The following MPDZ variants were observed in gnomAD, a reference collection of about 807,000 sequenced individuals.
MPDZ encodes the protein multiple PDZ domain crumbs cell polarity complex component.
Under a neutral mutation model 239.1 loss-of-function variants are expected in MPDZ, and 234 were observed. The ratio of observed to expected loss-of-function variants is 0.98; its 90% confidence interval spans 0.88 to 1.09. MPDZ has a LOEUF of 1.09. MPDZ is among the 50% of genes least tolerant of loss of function. The probability of loss-of-function intolerance (pLI) is 0.00; values close to 1 mark genes in which losing one functional copy is unlikely to be tolerated. For synonymous variants in MPDZ, 1,048 were observed against 881.3 expected, an observed-to-expected ratio of 1.19 and a Z score of -3.35; for missense variants, 3,175 against 2,510.0, an observed-to-expected ratio of 1.26 and a Z score of -5.66.
chr9:13,165,521 G>T, intron 22 of MPDZ: 1 of 1,353,500 alleles, frequency 7.4e-7, no homozygotes, highest in Non-Finnish European at 1.0e-6. Context: ...GGTGCTCCTG[G>T]TTGTTTTTTT....
At chr9:13,275,601 G>T (rs1973989000) in intron 1 of MPDZ, among the ~76,000 whole-genome samples, 1 of 152,322 alleles carries the variant, frequency 6.6e-6, no homozygotes, top group South Asian at 2.1e-4. Context: ...CTTTGGAACT[G>T]GGTAATAGGT....
chr9:13,247,603 G>C lies in MPDZ; in HGVS notation c.183+32C>G, dbSNP rs374590735. The C allele has an allele frequency of 1.6e-4, 255 of 1,585,810 alleles. 3 individuals are homozygous for C. In the South Asian group the frequency reaches 2.8e-3, roughly 17 times the overall value. On this transcript the variant is annotated intron_variant, in intron 3 of 46. Transcript: ENST00000319217. ...CCTTTCACAAGATCTATGCCATGTC[G>C]TGAATGCCTGCTTGGGTGAATGATG...
chr9:13,276,219 G>C (rs758006516), intron 1 of MPDZ, among the ~76,000 whole-genome samples: 2 of 151,960 alleles, frequency 1.3e-5, no homozygotes, highest in Non-Finnish European at 2.9e-5. Flanking sequence ...TGAATACCTC[G>C]GATCTTCTCT....
chr9:13,177,996 G>C (rs1410786906), intron 19 of MPDZ, among the ~76,000 whole-genome samples: 2 of 152,220 alleles, frequency 1.3e-5, no homozygotes, highest in African/African-American at 4.8e-5. Context: ...CATATTTTTA[G>C]TAGAGACGGG....
chr9:13,214,801 T>G (rs1354909600), intron 10 of MPDZ, among the ~76,000 whole-genome samples: 1 of 151,920 alleles, frequency 6.6e-6, no homozygotes, highest in Non-Finnish European at 1.5e-5. Context: ...CAGAGAAAGC[T>G]CACTTCGGGC....
intron 3 of MPDZ, among the ~76,000 whole-genome samples, chr9:13,227,282 C>G (rs981698893): frequency 2.0e-5 from 3 of 152,040 alleles, no homozygotes; most frequent in Non-Finnish European, 4.4e-5. Flanking sequence ...TGAGAAGAGA[C>G]TTTTGGGAAT....
chr9:13,192,535 C>T (rs1955080454), intron 14 of MPDZ, among the ~76,000 whole-genome samples: 1 of 152,034 alleles, frequency 6.6e-6, no homozygotes, highest in Non-Finnish European at 1.5e-5. Context: ...TATGTTTGAT[C>T]TGCCAGTGTA....
chr9:13,234,067 T>C (rs1264038495), intron 3 of MPDZ, among the ~76,000 whole-genome samples: 1 of 152,164 alleles, frequency 6.6e-6, no homozygotes, highest in Admixed American at 6.5e-5. Flanking sequence ...AATCATTTTA[T>C]TGCATACCAA....
chr9:13,188,610 T>C (rs1256168230), intron 17 of MPDZ, among the ~76,000 whole-genome samples, 174 bp downstream of exon 17: 1 of 151,968 alleles, frequency 6.6e-6, no homozygotes, highest in African/African-American at 2.4e-5. Context: ...CTTTCCTTTA[T>C]TTTTTTTGAA....
At chr9:13,224,939 C>T (rs1209554331) in intron 3 of MPDZ, among the ~76,000 whole-genome samples, 2 of 152,090 alleles carry the variant, frequency 1.3e-5, no homozygotes, top group African/African-American at 4.8e-5. Flanking sequence ...CTCAGAATTT[C>T]CCCTCTCAGA....
chr9:13,253,188 G>T (rs1384694869), intron 1 of MPDZ, among the ~76,000 whole-genome samples: 2 of 140,348 alleles, frequency 1.4e-5, no homozygotes, highest in South Asian at 2.4e-4. Flanking sequence ...TGTTAAAACA[G>T]AATTACTTTT....
intron 12 of MPDZ, among the ~76,000 whole-genome samples, chr9:13,202,220 T>G (rs1956467162): frequency 1.3e-5 from 2 of 152,278 alleles, no homozygotes; most frequent in East Asian, 3.9e-4. Context: ...TGGAACTAAC[T>G]CCTTGACTTG....
chr9:13,110,496 T>C, intron 44 of MPDZ, 140 bp downstream of exon 44: 2 of 680,344 alleles, frequency 2.9e-6, no homozygotes, highest in Non-Finnish European at 5.0e-6. Flanking sequence ...TTGGAACTCT[T>C]AATTTAATCA....
intron 1 of MPDZ, among the ~76,000 whole-genome samples, chr9:13,262,182 G>A (rs1247365990): frequency 6.6e-6 from 1 of 151,976 alleles, no homozygotes; most frequent in Non-Finnish European, 1.5e-5. Context: ...CTGCATTCAG[G>A]CCAGCCACAG....
intron 7 of MPDZ, 68 bp from the exon 8 acceptor site, chr9:13,219,836 G>T: frequency 1.4e-6 from 2 of 1,463,732 alleles, no homozygotes; most frequent in Non-Finnish European, 1.9e-6. Context: ...TCCTAAATGA[G>T]AAGGGATTAA....
rs1382068049 is a variant in MPDZ, at chr9:13,162,797, T to A, written c.3255-2A>T. The A allele has an allele frequency of 1.1e-5, 18 of 1,599,198 alleles. No individual in the cohort carries two copies. Among genetic ancestry groups the A allele is most frequent in the Non-Finnish European group, 1.5e-5 (18 of 1,168,470 alleles). Reference sequence around the variant, plus strand: ...TGTTCTGCAGGCACATAAGTAATTCTGGAACAAACCAGAATCCATGGAAGT... The same window carrying A: ...TGTTCTGCAGGCACATAAGTAATTCAGGAACAAACCAGAATCCATGGAAGT... On this transcript the variant is annotated splice_acceptor_variant, in intron 22 of 46. Coordinates refer to ENST00000319217, the MANE Select transcript of MPDZ (RefSeq NM_001378778.1). LOFTEE classifies it high-confidence loss of function.
intron 41 of MPDZ, 138 bp downstream of exon 41, chr9:13,113,793 T>C: frequency 1.5e-6 from 1 of 668,880 alleles, no homozygotes; most frequent in Non-Finnish European, 2.5e-6. Context: ...TTCAGACTTT[T>C]TGCTAACACG....
chr9:13,196,156 A>T lies in MPDZ; in HGVS notation c.1621T>A (p.Trp541Arg). Reference protein sequence around the residue: ...QKQEAALLTKWQRIMGINYEI... With the variant: ...QKQEAALLTKRQRIMGINYEI... Reference sequence around the variant, plus strand: ...TAGTTAATTCCCATAATCCTTTGCCATTTTGTCAGCAGAGCAGCTTCTTGT... The same window carrying T: ...TAGTTAATTCCCATAATCCTTTGCCTTTTTGTCAGCAGAGCAGCTTCTTGT... The change falls in exon 13 of 47, where the codon TGG becomes AGG. Residue 541 changes from tryptophan to arginine, a missense_variant. Trp to Arg is a moderately radical substitution (Grantham distance 101). Coordinates refer to ENST00000319217, the MANE Select transcript of MPDZ (RefSeq NM_001378778.1). 1 of 1,602,960 alleles carries T rather than the reference A, an allele frequency of 6.2e-7. No individual in the cohort carries two copies. Among genetic ancestry groups the T allele is most frequent in the Non-Finnish European group, 8.5e-7 (1 of 1,173,784 alleles).
intron 5 of MPDZ, 24 bp from the exon 6 acceptor site, chr9:13,222,470 A>T: frequency 6.4e-7 from 1 of 1,572,224 alleles, no homozygotes. Flanking sequence ...AAAAGGGGAT[A>T]AAAGACAATC....
Sources: allele counts gnomAD v4.1 joint callset (sites outside exome capture counted in the v4.1 genomes callset), GRCh38; gene constraint gnomAD v4.1.1; transcripts MANE v1.5; gene names NCBI Gene and HGNC (gene_info 2026-07-23, HGNC 2026-07-21).